The following ARIH1 variants were observed in gnomAD, a reference collection of about 807,000 sequenced individuals.
ARIH1 encodes E3 ubiquitin-protein ligase ARIH1.
A neutral mutation model predicts 85.0 loss-of-function variants in ARIH1; 8 were observed. That is an observed-to-expected ratio of 0.09 (90% CI 0.06 to 0.17). The LOEUF (loss-of-function observed/expected upper bound fraction) is 0.17. Ranked by LOEUF, ARIH1 falls within the 10% of genes least tolerant of loss-of-function variation. The pLI, the probability that ARIH1 is intolerant of heterozygous loss-of-function variation, is 1.00. For missense variants in ARIH1, 311 were observed against 718.1 expected (o/e 0.43, Z 6.48); for synonymous variants, 238 against 253.6 (o/e 0.94, Z 0.59).
At chr15:72,484,000 G>A (rs2063826806) in intron 1 of ARIH1, among the ~76,000 whole-genome samples, 1 of 150,668 alleles carries the variant, frequency 6.6e-6, no homozygotes, top group Non-Finnish European at 1.5e-5. Flanking sequence ...GCGAAACCCC[G>A]TCTCTACTAA....
intron 1 of ARIH1, among the ~76,000 whole-genome samples, chr15:72,478,342 C>T (rs1209716214): frequency 6.6e-6 from 1 of 152,012 alleles, no homozygotes; most frequent in Non-Finnish European, 1.5e-5. Context: ...GTCTTGAACT[C>T]CTGAACCCAG....
At chr15:72,575,517 C>G (rs1389579591) in intron 11 of ARIH1, among the ~76,000 whole-genome samples, 1 of 136,668 alleles carries the variant, frequency 7.3e-6, no homozygotes, top group Admixed American at 8.2e-5. Flanking sequence ...TGCCACTGCA[C>G]TCTAGCTCAA....
chr15:72,508,817 C>G (rs1227840147), intron 1 of ARIH1, among the ~76,000 whole-genome samples: 24 of 151,860 alleles, frequency 1.6e-4, no homozygotes. Flanking sequence ...TCTCAGACTC[C>G]CGAGTAGCTG....
rs193108195 is a variant in ARIH1 at position 72,496,988 on chromosome 15, A to G, written c.376-21079A>G. The G allele has an allele frequency of 1.0e-4, 40 of 386,176 alleles. No homozygotes were observed. In the Admixed American group the frequency reaches 2.4e-3, roughly 23 times the overall value. 23.9% of individuals were successfully genotyped at this position (386,176 alleles called of 1,614,324 possible). On this transcript the variant is annotated intron_variant, in intron 1 of 13. Coordinates refer to ENST00000379887, the MANE Select transcript of ARIH1 (RefSeq NM_005744.5). ...TTTATCCTATAAATCTTTGTGGGAAAGTTTGTTTTGACATGACAAATGTGA... is the reference window on the plus strand; with the variant it reads ...TTTATCCTATAAATCTTTGTGGGAAGGTTTGTTTTGACATGACAAATGTGA...
intron 3 of ARIH1, among the ~76,000 whole-genome samples, chr15:72,553,958 A>G (rs890786025): frequency 6.6e-6 from 1 of 152,094 alleles, no homozygotes; most frequent in Non-Finnish European, 1.5e-5. Context: ...TGACTGGCTT[A>G]TTTTCATTCT....
At chr15:72,554,178 CT>C (rs2064164938) in intron 3 of ARIH1, among the ~76,000 whole-genome samples, 1 of 152,056 alleles carries the variant, frequency 6.6e-6, no homozygotes, top group Non-Finnish European at 1.5e-5. Context: ...ATAATGAACA[CT>C]TGTGTACAAG....
intron 2 of ARIH1, among the ~76,000 whole-genome samples, chr15:72,541,697 A>G (rs2064108120): frequency 6.6e-6 from 1 of 152,232 alleles, no homozygotes; most frequent in African/African-American, 2.4e-5. Flanking sequence ...AAACTTGTCT[A>G]AATAGGAAAT....
At chr15:72,579,702 A>G (rs1227140219) in intron 11 of ARIH1, among the ~76,000 whole-genome samples, 1 of 152,208 alleles carries the variant, frequency 6.6e-6, no homozygotes, top group African/African-American at 2.4e-5. Flanking sequence ...TACAATTAAT[A>G]GGACATTTTT....
intron 1 of ARIH1, among the ~76,000 whole-genome samples, chr15:72,484,652 T>C (rs1214713747): frequency 1.3e-5 from 2 of 151,274 alleles, no homozygotes; most frequent in Admixed American, 6.6e-5. Flanking sequence ...TATATGTGTA[T>C]ATATATATGT....
intron 2 of ARIH1, among the ~76,000 whole-genome samples, chr15:72,522,351 T>C (rs2064003955): frequency 6.6e-6 from 1 of 152,116 alleles, no homozygotes; most frequent in Non-Finnish European, 1.5e-5. Flanking sequence ...CCATCTTTAC[T>C]AAAAACACAA....
At chr15:72,556,524 C>G (rs1007334379) in intron 5 of ARIH1, among the ~76,000 whole-genome samples, 5 of 152,220 alleles carry the variant, frequency 3.3e-5, no homozygotes, top group African/African-American at 1.2e-4. Context: ...TACACTACAG[C>G]TGGATGCTTT....
intron 1 of ARIH1, among the ~76,000 whole-genome samples, chr15:72,476,896 A>G (rs1211695156): frequency 6.6e-6 from 1 of 152,220 alleles, no homozygotes; most frequent in Non-Finnish European, 1.5e-5. Flanking sequence ...TCTGTCAAGT[A>G]AATTTTTCGA....
chr15:72,509,996 A>G (rs1302473700), intron 1 of ARIH1, among the ~76,000 whole-genome samples: 1 of 151,160 alleles, frequency 6.6e-6, no homozygotes, highest in Non-Finnish European at 1.5e-5. Context: ...AGCACACTAC[A>G]TCTTTGAACT....
chr15:72,540,843 A>T lies in ARIH1; in HGVS notation c.444-3977A>T, dbSNP rs536537158. ...AGTGAGACCCTAACTCATTTTTTTTAAAAAAGGTATTAACTCCAATATACG... is the reference window on the plus strand; with the variant it reads ...AGTGAGACCCTAACTCATTTTTTTTTAAAAAGGTATTAACTCCAATATACG... On this transcript the variant is annotated intron_variant, in intron 2 of 13. Coordinates refer to ENST00000379887, the MANE Select transcript of ARIH1 (RefSeq NM_005744.5). 1.3e-4 allele frequency among the ~76,000 whole-genome samples: 20 copies of T among 152,172 alleles called. No homozygotes were observed. In the South Asian group the frequency reaches 2.5e-3, roughly 19 times the overall value.
At chr15:72,504,468 T>G (rs929800280) in intron 1 of ARIH1, among the ~76,000 whole-genome samples, 1 of 152,032 alleles carries the variant, frequency 6.6e-6, no homozygotes, top group African/African-American at 2.4e-5. Context: ...TAATTTTCTT[T>G]AGTGATGAAA....
chr15:72,586,848 C>T lies in ARIH1; in HGVS notation c.*3556C>T, dbSNP rs1567363534. The stretch of plus-strand genomic sequence containing the variant: ...ATGTTCAATAGCTCTTTGAATGCCA[C>T]TTTTTTTAAAGAAAATACTTTAAAA... On this transcript the variant is annotated 3_prime_UTR_variant, in exon 14 of 14. Coordinates refer to ENST00000379887, the MANE Select transcript of ARIH1 (RefSeq NM_005744.5). 6.3e-6 allele frequency: 1 copy of T among 158,184 alleles called. No homozygotes were observed. Among genetic ancestry groups the T allele is most frequent in the African/African-American group, 2.4e-5 (1 of 41,438 alleles). The allele number at this position is 158,184 out of a possible 1,614,324, so 9.8% of individuals were successfully genotyped here.
At chr15:72,518,004 G>T in intron 1 of ARIH1, 63 bp from the exon 2 acceptor site, 3 of 1,257,918 alleles carry the variant, frequency 2.4e-6, no homozygotes, top group Non-Finnish European at 3.4e-6. Flanking sequence ...CAACCTAGGA[G>T]TTCACTAAAT....
rs1265391261 is a variant in ARIH1 at position 72,600,719 on chromosome 15, G to C, written c.*17427G>C. 1 of 152,118 alleles carries C rather than the reference G, an allele frequency of 6.6e-6. No individual in the cohort carries two copies. The highest frequency in any genetic ancestry group is 1.5e-5 in the Non-Finnish European group (1 of 68,034). 9.4% of individuals were successfully genotyped at this position (152,118 alleles called of 1,614,324 possible). On this transcript the variant is annotated 3_prime_UTR_variant, in exon 14 of 14. Coordinates refer to ENST00000379887, the MANE Select transcript of ARIH1 (RefSeq NM_005744.5). ...TTTAAAAAGAGATTGTTCTAATTAT[G>C]TATATAATTAAAGTACATTAGGTTT...
At position 72,584,342 on chromosome 15, in the gene ARIH1, C is replaced by CT. The variant is rs2064307272; in HGVS notation, c.*1053dup. ...CATGGCATCATGCCTCTACCCAAGCCTTTGTGTGCCCATGTTATGCACACA... is the reference window on the plus strand; with the variant it reads ...CATGGCATCATGCCTCTACCCAAGCCTTTTGTGTGCCCATGTTATGCACACA... On this transcript the variant is annotated 3_prime_UTR_variant, in exon 14 of 14. Coordinates refer to ENST00000379887, the MANE Select transcript of ARIH1 (RefSeq NM_005744.5). 1 of 152,212 alleles carries CT rather than the reference C, an allele frequency of 6.6e-6. No homozygotes were observed. The highest frequency in any genetic ancestry group is 6.5e-5 in the Admixed American group (1 of 15,272). The allele number at this position is 152,212 out of a possible 1,614,324, so 9.4% of individuals were successfully genotyped here. A position where few individuals can be genotyped will look rare whatever the true frequency, so the allele number is the denominator to read the frequency against.
Sources: gnomAD v4.1 joint callset for allele counts (sites outside exome capture counted in the v4.1 genomes callset) on GRCh38, gnomAD v4.1.1 for gene constraint, MANE v1.5 for transcripts, NCBI Gene and HGNC (gene_info 2026-07-23, HGNC 2026-07-21) for gene names.